ACOT1: variants seen among roughly 807,000 people sequenced by gnomAD.
ACOT1 encodes the protein acyl-CoA thioesterase 1, also known as acyl-coenzyme A thioesterase 1.
Under a neutral mutation model 15.7 loss-of-function variants are expected in ACOT1, and 8 were observed. The observed-to-expected ratio is 0.51, with a 90% confidence interval of 0.30 to 0.92. The LOEUF (loss-of-function observed/expected upper bound fraction) is 0.92. Ranked by LOEUF, ACOT1 falls within the 40% of genes least tolerant of loss-of-function variation. The probability of loss-of-function intolerance (pLI) is 0.06; values close to 1 mark genes in which losing one functional copy is unlikely to be tolerated. For missense variants in ACOT1, 151 were observed against 539.4 expected (o/e 0.28, Z 7.13); for synonymous variants, 67 against 241.2 (o/e 0.28, Z 6.69).
chr14:73,495,504 GCC>G, the ACOT1 span: 1 of 806,684 alleles, frequency 1.2e-6, no homozygotes, highest in East Asian at 2.7e-5. Flanking sequence ...GATCACTTGA[GCC>G]CAACAGTTCA....
At chr14:73,492,992 C>T in the ACOT1 span, 6 of 1,543,050 alleles carry the variant, frequency 3.9e-6, no homozygotes, top group African/African-American at 7.8e-5. This position sits in a 1 kb window ranked among gnomAD's most constrained non-coding sequence, Gnocchi z 4.9. Flanking sequence ...TCCGCTGCCA[C>T]TGCTACCTTT....
chr14:73,520,645 C>T, the ACOT1 span: 14 of 498,054 alleles, frequency 2.8e-5, no homozygotes, highest in Non-Finnish European at 3.9e-5. Context: ...ATAGAGAAAG[C>T]GGGGAGAGAG....
chr14:73,508,059 G>A, the ACOT1 span: 15 of 1,389,030 alleles, frequency 1.1e-5, no homozygotes, highest in South Asian at 1.9e-4. Context: ...CTGCATTTCA[G>A]ATTGCTTACA....
chr14:73,497,969 G>A, the ACOT1 span, among the ~76,000 whole-genome samples: 3 of 152,164 alleles, frequency 2.0e-5, no homozygotes, highest in African/African-American at 7.2e-5. Context: ...AACTACATAA[G>A]CTTGACTTTC....
Position 73,543,712 on chromosome 14 carries a change from C to T in ACOT1, c.*57C>T, listed in dbSNP as rs1438502321. 5 of 762,768 alleles carry T rather than the reference C, an allele frequency of 6.6e-6. No homozygotes were observed. Among genetic ancestry groups the T allele is most frequent in the Non-Finnish European group, 9.0e-6 (5 of 557,820 alleles). The allele number at this position is 762,768 out of a possible 1,614,324, so 47.2% of individuals were successfully genotyped here. ...TAATCTCTCCTGGAAACATCTGCCACATTTAGTGTGTGTATGTGTATTCAT... is the reference window on the plus strand; with the variant it reads ...TAATCTCTCCTGGAAACATCTGCCATATTTAGTGTGTGTATGTGTATTCAT... On this transcript the variant is annotated 3_prime_UTR_variant, in exon 3 of 3. Transcript: ENST00000311148.
the ACOT1 span, chr14:73,506,503 G>A: frequency 6.2e-7 from 1 of 1,613,698 alleles, no homozygotes; most frequent in Non-Finnish European, 8.5e-7. Context: ...AGAAAGCCTG[G>A]CAGGCCACAA....
the ACOT1 span, chr14:73,520,606 C>A: frequency 5.0e-6 from 2 of 403,724 alleles, no homozygotes; most frequent in Admixed American, 4.0e-5. Context: ...CAGTTCCACC[C>A]TTCATTGCCT....
the ACOT1 span, among the ~76,000 whole-genome samples, chr14:73,505,164 G>A: frequency 3.3e-5 from 5 of 151,960 alleles, no homozygotes; most frequent in Admixed American, 6.6e-5. Context: ...TGATCCACCC[G>A]CCTCAGCCTC....
the ACOT1 span, among the ~76,000 whole-genome samples, chr14:73,505,219 T>C: frequency 1.3e-5 from 2 of 152,200 alleles, no homozygotes; most frequent in East Asian, 3.9e-4. Flanking sequence ...ACCGGACCCC[T>C]TCACAGAACT....
the ACOT1 span, chr14:73,491,409 G>T: frequency 7.4e-7 from 1 of 1,343,958 alleles, no homozygotes; most frequent in Non-Finnish European, 9.5e-7. Flanking sequence ...CCGCCCGCGC[G>T]CCTGGTGGAG....
chr14:73,531,950 T>C, the ACOT1 span, among the ~76,000 whole-genome samples: 9 of 114,626 alleles, frequency 7.9e-5, no homozygotes, highest in African/African-American at 2.6e-4. Context: ...GAGAATCGCC[T>C]GGACCCAGGA....
At chr14:73,523,082 C>A in the ACOT1 span, 4 of 1,612,848 alleles carry the variant, frequency 2.5e-6, no homozygotes, top group Non-Finnish European at 3.4e-6. Flanking sequence ...CATGCCCCAT[C>A]CCAGTCGTGG....
chr14:73,495,422 C>CA, the ACOT1 span: 1 of 1,562,958 alleles, frequency 6.4e-7, no homozygotes, highest in Non-Finnish European at 8.8e-7. Context: ...AAAAACAAAA[C>CA]AAAACACCTG....
the ACOT1 span, among the ~76,000 whole-genome samples, chr14:73,524,306 A>ATATATATATAT: frequency 2.2e-5 from 2 of 91,006 alleles, no homozygotes; most frequent in Admixed American, 1.1e-4. Flanking sequence ...AAAAAAAAAA[A>ATATATATATAT]AAAAATATAT....
chr14:73,504,274 G>T, the ACOT1 span, among the ~76,000 whole-genome samples: 1 of 146,302 alleles, frequency 6.8e-6, no homozygotes, highest in Non-Finnish European at 1.5e-5. Context: ...ACGGAGCCTC[G>T]CTCTGTTGCC....
At chr14:73,509,069 G>T in the ACOT1 span, among the ~76,000 whole-genome samples, 1 of 152,060 alleles carries the variant, frequency 6.6e-6, no homozygotes, top group Non-Finnish European at 1.5e-5. Context: ...GTCTTGTTAT[G>T]TTGCCCAGGC....
the ACOT1 span, among the ~76,000 whole-genome samples, chr14:73,524,310 A>AAAAAAAATATATATAT: frequency 7.3e-5 from 4 of 54,772 alleles, no homozygotes; most frequent in South Asian, 2.4e-3. Flanking sequence ...AAAAAAAAAA[A>AAAAAAAATATATATAT]ATATATATAT....
chr14:73,520,731 A>C, the ACOT1 span: 2 of 908,136 alleles, frequency 2.2e-6, no homozygotes, highest in Non-Finnish European at 3.4e-6. Flanking sequence ...CATGAACATG[A>C]AAACCTGGGT....
intron 2 of ACOT1, 42 bp from the exon 3 acceptor site, chr14:73,543,008 T>C: frequency 8.0e-7 from 1 of 1,243,180 alleles, no homozygotes. Context: ...TTCCACTGTT[T>C]GTGGAGCCAT....
Sources: gnomAD v4.1 joint callset for allele counts (sites outside exome capture counted in the v4.1 genomes callset) on GRCh38, gnomAD v4.1.1 for gene constraint, Gnocchi (gnomAD v3.1) non-coding constraint, MANE v1.5 for transcripts, NCBI Gene and HGNC (gene_info 2026-07-23, HGNC 2026-07-21) for gene names.